Variants in ADGRV1 observed in about 807,000 individuals in gnomAD.
The protein encoded by ADGRV1 is G-protein coupled receptor 98.
Under a neutral mutation model 596.2 loss-of-function variants are expected in ADGRV1, and 359 were observed. That is an observed-to-expected ratio of 0.60 (90% CI 0.55 to 0.66). The LOEUF is 0.66. ADGRV1 is among the 30% of genes least tolerant of loss of function. ADGRV1 has a pLI of 0.00. For missense variants in ADGRV1, 7,274 were observed against 7,575.6 expected (o/e 0.96, Z 1.48); for synonymous variants, 2,681 against 2,679.2 (o/e 1.00, Z -0.02).
chr5:90,661,218 C>T (rs1249497815), intron 21 of ADGRV1, among the ~76,000 whole-genome samples: 3 of 152,128 alleles, frequency 2.0e-5, no homozygotes, highest in East Asian at 1.9e-4. Context: ...TTGTATACCA[C>T]GTAATTATAA....
intron 89 of ADGRV1, among the ~76,000 whole-genome samples, chr5:91,163,542 AG>A (rs1173448645): frequency 1.3e-5 from 2 of 152,230 alleles, no homozygotes; most frequent in African/African-American, 4.8e-5. Flanking sequence ...CAAACAGTAA[AG>A]ATTGAGAACC....
intron 85 of ADGRV1, among the ~76,000 whole-genome samples, chr5:91,005,486 G>A (rs1177574644): frequency 2.6e-5 from 4 of 151,936 alleles, no homozygotes; most frequent in Admixed American, 2.0e-4. Context: ...ACAGGCACAC[G>A]CCACCATGCC....
At chr5:90,970,832 G>C (rs921500566) in intron 84 of ADGRV1, among the ~76,000 whole-genome samples, 1 of 152,158 alleles carries the variant, frequency 6.6e-6, no homozygotes, top group Admixed American at 6.5e-5. Context: ...CTCCTCACCA[G>C]CAACAGAACA....
At chr5:91,090,054 AT>A (rs1468498044) in intron 86 of ADGRV1, among the ~76,000 whole-genome samples, 1 of 152,214 alleles carries the variant, frequency 6.6e-6, no homozygotes, top group African/African-American at 2.4e-5. Context: ...TGTTTTCATA[AT>A]TCCACCTTAT....
rs79559494 is a variant in ADGRV1, at chr5:90,652,322, A to C, written c.3417-24A>C. 2.2e-3 allele frequency: 3,398 copies of C among 1,511,420 alleles called. 68 individuals carry two copies. In the African/African-American group the frequency reaches 0.042, roughly 18 times the overall value. 93.6% of individuals were successfully genotyped at this position (1,511,420 alleles called of 1,614,324 possible). On this transcript the variant is annotated intron_variant, in intron 18 of 89. Transcript: ENST00000405460. ...ATTAGAGTAAGATTCACTACTTATA[A>C]ATTTTCTTTAATTTATTTTGTAGGA...
intron 1 of ADGRV1, among the ~76,000 whole-genome samples, chr5:90,585,968 C>T (rs1198379325): frequency 6.6e-6 from 1 of 152,168 alleles, no homozygotes; most frequent in African/African-American, 2.4e-5. Flanking sequence ...AAAGTATCGA[C>T]AGGCAAAAAG....
intron 77 of ADGRV1, among the ~76,000 whole-genome samples, chr5:90,832,403 T>C (rs576906169): frequency 7.2e-5 from 11 of 152,312 alleles, no homozygotes; most frequent in African/African-American, 2.4e-4. Context: ...ATGTCTTCTT[T>C]AGAGAAATGT....
chr5:90,789,801 C>A lies in ADGRV1; in HGVS notation c.13993C>A (p.Leu4665Ile), dbSNP rs759888988. The change falls in exon 69 of 90, where the codon CTC becomes ATC. Residue 4665 changes from leucine (L) to isoleucine (I), a missense_variant. Transcript: ENST00000405460. ...GCCTCTGGCTCTGGAAGGGCCCCTG[C>A]TCATTACCTTCTTTGTCAGAAGAGT... Reference protein sequence around the residue: ...SEPLALEGPLLITFFVRRVKG... With the variant: ...SEPLALEGPLIITFFVRRVKG... 6.6e-7 allele frequency: 1 copy of A among 1,510,592 alleles called. No individual in the cohort carries two copies. Among genetic ancestry groups the A allele is most frequent in the South Asian group, 1.4e-5 (1 of 73,730 alleles). The allele number at this position is 1,510,592 out of a possible 1,614,324, so 93.6% of individuals were successfully genotyped here. A position where few individuals can be genotyped will look rare whatever the true frequency, so the allele number is the denominator to read the frequency against.
chr5:90,652,305 A>G, intron 18 of ADGRV1, 41 bp from the exon 19 acceptor site: 1 of 1,379,854 alleles, frequency 7.2e-7, no homozygotes, highest in Non-Finnish European at 9.9e-7. Context: ...TCATTAGAGT[A>G]AGATTCACTA....
rs375786151 is a variant in ADGRV1 at position 90,675,318 on chromosome 5, A to T, written c.5186A>T (p.His1729Leu). ...ACCCTGCCTGCAAGCAGCGTTCCAC[A>T]TATCACTGTGGAGGAGGAAGATGGA... The part of the protein sequence containing the change: ...AMTLPASSVP[H>L]ITVEEEDGEI... The change falls in exon 24 of 90, where the codon CAT becomes CTT. Residue 1729 changes from histidine to leucine, a missense_variant. Transcript: ENST00000405460. 6 of 1,613,894 alleles carry T rather than the reference A, an allele frequency of 3.7e-6. No individual in the cohort carries two copies. Among genetic ancestry groups the T allele is most frequent in the Admixed American group, 3.3e-5 (2 of 59,968 alleles).
intron 42 of ADGRV1, among the ~76,000 whole-genome samples, chr5:90,712,848 G>C (rs975678453): frequency 2.0e-5 from 3 of 151,964 alleles, no homozygotes; most frequent in Non-Finnish European, 4.4e-5. Flanking sequence ...CATCTACTCT[G>C]TAGTATTTCC....
chr5:90,783,242 C>A lies in ADGRV1; in HGVS notation c.13350C>A (p.Tyr4450Ter), dbSNP rs1271745249. Reference sequence around the variant, plus strand: ...CTGCCAGTCCCGGAGGTGTTGATTACATTTTGCATGGCAGTACAGTCACCT... The same window carrying A: ...CTGCCAGTCCCGGAGGTGTTGATTAAATTTTGCATGGCAGTACAGTCACCT... ...SSSASPGGVD[Y>*]ILHGSTVTFQ... The change falls in exon 66 of 90, where the codon TAC becomes TAA. Residue 4450 changes from tyrosine to a stop codon, truncating the protein, a stop_gained. Transcript: ENST00000405460. LOFTEE classifies it high-confidence loss of function. 6.2e-7 allele frequency: 1 copy of A among 1,613,470 alleles called. No individual in the cohort carries two copies. The highest frequency in any genetic ancestry group is 8.5e-7 in the Non-Finnish European group (1 of 1,179,608).
chr5:90,811,724 A>G (rs1009814879), intron 74 of ADGRV1, among the ~76,000 whole-genome samples: 4 of 150,026 alleles, frequency 2.7e-5, no homozygotes, highest in Admixed American at 2.0e-4. Context: ...TTGGCAGGAA[A>G]TTCTTTTTTT....
chr5:90,595,035 G>T (rs1760092549), intron 1 of ADGRV1, among the ~76,000 whole-genome samples: 1 of 144,996 alleles, frequency 6.9e-6, no homozygotes, highest in Admixed American at 6.7e-5. Flanking sequence ...CGGGCAGAGG[G>T]GCTCCTCACT....
chr5:90,829,603 C>T (rs900822008), intron 77 of ADGRV1, among the ~76,000 whole-genome samples: 1 of 152,098 alleles, frequency 6.6e-6, no homozygotes, highest in Non-Finnish European at 1.5e-5. Flanking sequence ...TACACTTCTT[C>T]AAATCCATGT....
intron 59 of ADGRV1, among the ~76,000 whole-genome samples, chr5:90,765,427 G>GA (rs1238604890): frequency 2.4e-5 from 3 of 125,890 alleles, no homozygotes; most frequent in Non-Finnish European, 3.4e-5. Context: ...AAAAATCACA[G>GA]ACCACACACA....
At chr5:90,996,406 T>G (rs1781422073) in intron 85 of ADGRV1, among the ~76,000 whole-genome samples, 1 of 152,168 alleles carries the variant, frequency 6.6e-6, no homozygotes, top group South Asian at 2.1e-4. Context: ...CCTTGGCAAC[T>G]TCCACGTGGT....
intron 87 of ADGRV1, among the ~76,000 whole-genome samples, chr5:91,116,782 G>A (rs1342754660): frequency 6.6e-6 from 1 of 152,070 alleles, no homozygotes; most frequent in Admixed American, 6.6e-5. Context: ...GTCAGTCTTG[G>A]AAACTCTCAG....
At chr5:91,056,037 A>G (rs1392087552) in intron 85 of ADGRV1, among the ~76,000 whole-genome samples, 1 of 152,126 alleles carries the variant, frequency 6.6e-6, no homozygotes, top group Middle Eastern at 3.2e-3. Context: ...AAAGTTGTCG[A>G]GATGCTTGAA....
Sources: gnomAD v4.1 joint callset for allele counts (sites outside exome capture counted in the v4.1 genomes callset) on GRCh38, gnomAD v4.1.1 for gene constraint, MANE v1.5 for transcripts, NCBI Gene and HGNC (gene_info 2026-07-23, HGNC 2026-07-21) for gene names.